NT5M: variants seen among roughly 807,000 people sequenced by gnomAD.
NT5M encodes 5'(3')-deoxyribonucleotidase, mitochondrial.
NT5M carries 22 observed loss-of-function variants against 22.2 expected under a neutral mutation model. The observed-to-expected ratio is 0.99, with a 90% CI of 0.71 to 1.41. NT5M has a LOEUF of 1.41. Ranked by LOEUF, NT5M falls within the 40% of genes most tolerant of loss-of-function variation. The pLI, the probability that NT5M is intolerant of heterozygous loss-of-function variation, is 0.00. For missense variants in NT5M, 322 were observed against 314.8 expected (o/e 1.02, Z -0.17); for synonymous variants, 167 against 133.0 (o/e 1.26, Z -1.76).
At chr17:17,338,693 T>C (rs2049572443) in intron 3 of NT5M, among the ~76,000 whole-genome samples, 1 of 147,006 alleles carries the variant, frequency 6.8e-6, no homozygotes, top group African/African-American at 2.5e-5. Flanking sequence ...TTTTTTTTTT[T>C]TTTTTTGTAT....
At chr17:17,332,288 G>A (rs780455588) in intron 3 of NT5M, among the ~76,000 whole-genome samples, 1 of 152,084 alleles carries the variant, frequency 6.6e-6, no homozygotes, top group Non-Finnish European at 1.5e-5. Context: ...TGAGCCACGC[G>A]GAGCAGGAAG....
chr17:17,329,773 T>G (rs1016481275), intron 3 of NT5M, among the ~76,000 whole-genome samples: 3 of 150,426 alleles, frequency 2.0e-5, no homozygotes, highest in Non-Finnish European at 4.4e-5. Context: ...CCCAGGAGTT[T>G]GAGACCTGCC....
chr17:17,330,416 C>G (rs1395415679), intron 3 of NT5M, among the ~76,000 whole-genome samples: 4 of 147,800 alleles, frequency 2.7e-5, no homozygotes, highest in Non-Finnish European at 4.4e-5. Context: ...GCTGTTGTTG[C>G]CCAGGCTGGA....
Position 17,321,000 on chromosome 17 carries a change from A to T in NT5M, c.369-2185A>T, listed in dbSNP as rs576877604. Among the ~76,000 whole-genome samples the T allele has an allele frequency of 9.2e-5, 14 of 151,826 alleles. No homozygotes were observed. In the East Asian group the frequency reaches 2.7e-3, roughly 29 times the overall value. Reference sequence around the variant, plus strand: ...TGGATTGAAGCAGGAGCAGGAGGCGAGGGAGTGGGGTCGGTAGGTGGAGGC... The same window carrying T: ...TGGATTGAAGCAGGAGCAGGAGGCGTGGGAGTGGGGTCGGTAGGTGGAGGC... On this transcript the variant is annotated intron_variant, in intron 2 of 4. Transcript: ENST00000389022.
At chr17:17,315,957 G>A (rs982730957) in intron 2 of NT5M, among the ~76,000 whole-genome samples, 1 of 151,256 alleles carries the variant, frequency 6.6e-6, no homozygotes, top group African/African-American at 2.4e-5. Flanking sequence ...GCGTTTCACT[G>A]TGTTAGCCAG....
Position 17,346,832 on chromosome 17 carries a change from A to G in NT5M, c.572A>G (p.His191Arg), listed in dbSNP as rs2049770238. Reference sequence around the variant, plus strand: ...GCCGAGCCAACCCCCAGCTGGGAGCATGTCCTCTTCACCGCCTGCCACAAC... The same window carrying G: ...GCCGAGCCAACCCCCAGCTGGGAGCGTGTCCTCTTCACCGCCTGCCACAAC... ...TGAEPTPSWE[H>R]VLFTACHNQH... is the part of the protein sequence containing the mutation. Residue 191 changes from histidine (H) to arginine (R), a missense_variant, in exon 5 of 5, where the codon CAT becomes CGT. Physicochemically the swap from His to Arg is conservative, Grantham distance 29 (BLOSUM62 0). Transcript: ENST00000389022. The G allele has an allele frequency of 6.2e-7, 1 of 1,607,698 alleles. No individual in the cohort carries two copies. The highest frequency in any genetic ancestry group is 8.5e-7 in the Non-Finnish European group (1 of 1,179,924).
intron 3 of NT5M, among the ~76,000 whole-genome samples, chr17:17,338,387 T>A (rs2142369591): frequency 6.6e-6 from 1 of 152,172 alleles, no homozygotes; most frequent in African/African-American, 2.4e-5. Flanking sequence ...GAGATGGGGT[T>A]TCACCACGTT....
At chr17:17,324,239 T>G (rs1016015525) in intron 3 of NT5M, among the ~76,000 whole-genome samples, 6 of 150,902 alleles carry the variant, frequency 4.0e-5, no homozygotes, top group Non-Finnish European at 8.9e-5. Flanking sequence ...ATCCCAGAAC[T>G]CTGGGAGGCC....
intron 3 of NT5M, among the ~76,000 whole-genome samples, chr17:17,342,439 A>T (rs2049664384): frequency 6.6e-6 from 1 of 152,204 alleles, no homozygotes; most frequent in South Asian, 2.1e-4. Context: ...AAACACGGAA[A>T]CTGGGTGTGT....
Position 17,347,350 on chromosome 17 carries a change from A to G in NT5M, c.*403A>G. The G allele has an allele frequency of 5.4e-6, 1 of 186,588 alleles. No individual in the cohort carries two copies. The highest frequency in any genetic ancestry group is 1.2e-4 in the South Asian group (1 of 8,200). The allele number at this position is 186,588 out of a possible 1,614,324, so 11.6% of individuals were successfully genotyped here. On this transcript the variant is annotated 3_prime_UTR_variant, in exon 5 of 5. Transcript: ENST00000389022. ...TCTGCAGCCATCAGCAAGGAGGACC[A>G]GGAACCCGGCGACTGAGGTGCTTCC...
chr17:17,330,617 C>G (rs1043701922), intron 3 of NT5M, among the ~76,000 whole-genome samples: 6 of 152,082 alleles, frequency 3.9e-5, no homozygotes, highest in African/African-American at 1.4e-4. Flanking sequence ...CTCAGGTGAT[C>G]CATCTGCCTC....
intron 3 of NT5M, among the ~76,000 whole-genome samples, chr17:17,325,303 C>T (rs1445975543): frequency 3.3e-5 from 5 of 152,142 alleles, no homozygotes; most frequent in East Asian, 1.9e-4. Context: ...TGCCTCGGCC[C>T]GGGACTGCCC....
chr17:17,305,649 C>A (rs549693513), intron 1 of NT5M, among the ~76,000 whole-genome samples: 2 of 152,202 alleles, frequency 1.3e-5, no homozygotes, highest in South Asian at 4.1e-4. Flanking sequence ...GTGTGCAGAA[C>A]AGCTGGTAGA....
intron 3 of NT5M, among the ~76,000 whole-genome samples, chr17:17,326,631 C>T (rs1465962615): frequency 6.6e-6 from 1 of 152,166 alleles, no homozygotes; most frequent in Non-Finnish European, 1.5e-5. Context: ...GTTTCATTGC[C>T]CAAGATTCCT....
intron 3 of NT5M, among the ~76,000 whole-genome samples, chr17:17,324,662 A>T (rs942435486): frequency 9.9e-5 from 15 of 151,328 alleles, no homozygotes; most frequent in African/African-American, 3.6e-4. Context: ...AGTTACCCTG[A>T]CATCCCTCAT....
chr17:17,303,851 C>G (rs1187293432), intron 1 of NT5M, 34 bp downstream of exon 1: 4 of 1,346,202 alleles, frequency 3.0e-6, no homozygotes, highest in Non-Finnish European at 3.8e-6. Flanking sequence ...CGCCGGGCCT[C>G]CTTCTCGCCC....
chr17:17,322,493 G>A (rs1048269017), intron 2 of NT5M, among the ~76,000 whole-genome samples: 3 of 152,180 alleles, frequency 2.0e-5, no homozygotes, highest in Non-Finnish European at 2.9e-5. Context: ...GGCACACCCT[G>A]TGCCCAGGGA....
At chr17:17,346,556 T>C (rs567108623) in intron 4 of NT5M, among the ~76,000 whole-genome samples, 1 of 152,340 alleles carries the variant, frequency 6.6e-6, no homozygotes, top group South Asian at 2.1e-4. Flanking sequence ...TTGCCAGTGC[T>C]GGTGGTGACA....
chr17:17,320,930 C>T (rs905840676), intron 2 of NT5M, among the ~76,000 whole-genome samples: 1 of 152,044 alleles, frequency 6.6e-6, no homozygotes, highest in Admixed American at 6.6e-5. Flanking sequence ...TCTTTGGTGA[C>T]AAGGAGCAAT....
Sources: allele counts gnomAD v4.1 joint callset (sites outside exome capture counted in the v4.1 genomes callset), GRCh38; gene constraint gnomAD v4.1.1; transcripts MANE v1.5; gene names NCBI Gene and HGNC (gene_info 2026-07-23, HGNC 2026-07-21).